CPQ: variants seen among roughly 807,000 people sequenced by gnomAD.
CPQ encodes carboxypeptidase Q, also known as Ser-Met dipeptidase.
A neutral mutation model predicts 45.7 loss-of-function variants in CPQ; 37 were observed. The ratio of observed to expected loss-of-function variants is 0.81; its 90% CI spans 0.62 to 1.07. CPQ has a LOEUF of 1.07. Among genes scored for constraint, CPQ ranks in the 50% least tolerant of loss-of-function variants. CPQ has a pLI of 0.00. For synonymous variants in CPQ, 186 were observed against 205.8 expected, an observed-to-expected ratio of 0.90 and a Z score of 0.82; for missense variants, 537 against 572.9, an observed-to-expected ratio of 0.94 and a Z score of 0.64.
At chr8:97,123,266 TAAAA>T (rs1175857289) in intron 7 of CPQ, among the ~76,000 whole-genome samples, 52 of 141,728 alleles carry the variant, frequency 3.7e-4, no homozygotes, top group African/African-American at 1.3e-3. Flanking sequence ...TAAAATAAAA[TAAAA>T]TAGTGAGTAA....
chr8:96,847,646 T>A (rs901312412), intron 3 of CPQ, among the ~76,000 whole-genome samples: 71 of 152,118 alleles, frequency 4.7e-4, no homozygotes, highest in Non-Finnish European at 5.9e-5. Context: ...TCCTCTGAAC[T>A]TTTTATTAAC....
intron 7 of CPQ, among the ~76,000 whole-genome samples, chr8:97,113,770 A>G (rs1322575465): frequency 2.0e-5 from 3 of 152,236 alleles, no homozygotes; most frequent in Non-Finnish European, 4.4e-5. Context: ...AATAAAACGT[A>G]TCTGGTGGAT....
Position 96,835,013 on chromosome 8 carries a change from A to T in CPQ, c.474A>T (p.Glu158Asp). The T allele has an allele frequency of 6.2e-7, 1 of 1,613,658 alleles. No homozygotes were observed. The highest frequency in any genetic ancestry group is 1.1e-5 in the South Asian group (1 of 91,018). ...TTCTGGTGGTGACCTCTTTCGATGA[A>T]CTGCAGAGAAGGGCCTCAGAAGCAA... ...AEVLVVTSFD[E>D]LQRRASEARG... Residue 158 changes from glutamate (E) to aspartate (D), a missense_variant, in exon 3 of 8, where the codon GAA (glutamate) becomes GAT (aspartate). By Grantham distance (45) the Glu-to-Asp change is conservative (BLOSUM62 2). Transcript: ENST00000220763.
At chr8:96,924,641 A>G (rs1812849719) in intron 4 of CPQ, among the ~76,000 whole-genome samples, 1 of 152,182 alleles carries the variant, frequency 6.6e-6, no homozygotes, top group South Asian at 2.1e-4. Context: ...TCGAAAGCAG[A>G]CACTATACCT....
intron 1 of CPQ, among the ~76,000 whole-genome samples, chr8:96,693,049 G>A (rs1054224612): frequency 6.6e-6 from 1 of 152,062 alleles, no homozygotes; most frequent in African/African-American, 2.4e-5. Flanking sequence ...TTGACACTCT[G>A]AAGAATGCAT....
At chr8:97,129,708 T>C (rs1036925647) in intron 7 of CPQ, among the ~76,000 whole-genome samples, 1 of 152,166 alleles carries the variant, frequency 6.6e-6, no homozygotes, top group Non-Finnish European at 1.5e-5. Context: ...AATGAGGCTT[T>C]TTTCTTGTTA....
In CPQ at chr8:96,905,195, A is replaced by G. The variant is rs1304154200; in HGVS notation, c.849+25190A>G. 3.9e-5 allele frequency among the ~76,000 whole-genome samples: 6 copies of G among 152,070 alleles called. No individual in the cohort carries two copies. In the East Asian group the frequency reaches 5.8e-4, roughly 15 times the overall value. On this transcript the variant is annotated intron_variant, in intron 4 of 7. Transcript: ENST00000220763. ...GAGAGAGAGTGAGGGGGGAAGTGCC[A>G]CACTTTAAAACCATCAGATCTTGTG...
At chr8:96,946,124 G>A (rs1404487615) in intron 4 of CPQ, among the ~76,000 whole-genome samples, 1 of 152,208 alleles carries the variant, frequency 6.6e-6, no homozygotes, top group Admixed American at 6.5e-5. Flanking sequence ...TGGTTATCCA[G>A]CTCCTCTTGC....
chr8:96,937,130 G>C (rs757905527), intron 4 of CPQ, among the ~76,000 whole-genome samples: 1 of 152,096 alleles, frequency 6.6e-6, no homozygotes, highest in African/African-American at 2.4e-5. Flanking sequence ...AGTTTTTTGA[G>C]AGGTTACACA....
chr8:96,934,840 A>T (rs758502300), intron 4 of CPQ, among the ~76,000 whole-genome samples: 2 of 152,178 alleles, frequency 1.3e-5, no homozygotes, highest in African/African-American at 2.4e-5. Context: ...ATGAAGGGCC[A>T]TACCCAAAGA....
At chr8:97,130,616 CCTTTAA>C (rs1431561825) in intron 7 of CPQ, among the ~76,000 whole-genome samples, 1 of 152,042 alleles carries the variant, frequency 6.6e-6, no homozygotes, top group Non-Finnish European at 1.5e-5. Context: ...AATTTAGCTA[CCTTTAA>C]ATGCTAAATT....
chr8:96,886,717 A>G (rs1469482549), intron 4 of CPQ, among the ~76,000 whole-genome samples: 1 of 152,184 alleles, frequency 6.6e-6, no homozygotes, highest in Non-Finnish European at 1.5e-5. Flanking sequence ...CCTCTAAGAG[A>G]TTCCATTATG....
In CPQ at chr8:96,731,217, A is replaced by ATACC. The variant is rs113229979; in HGVS notation, c.-34-53645_-34-53644insCCTA. On this transcript the variant is annotated intron_variant, in intron 1 of 7. Transcript: ENST00000220763. Reference sequence around the variant, plus strand: ...ATTAACTGTATGACTTTGGACAACTATAAACTCTCTGAACCTCAGTTCTCT... The same window carrying ATACC: ...ATTAACTGTATGACTTTGGACAACTATACCTAAACTCTCTGAACCTCAGTTCTCT... 5.9e-3 allele frequency among the ~76,000 whole-genome samples: 904 copies of ATACC among 152,258 alleles called. 15 individuals carry two copies. Among genetic ancestry groups the ATACC allele is most frequent in the African/African-American group, 0.016 (652 of 41,538 alleles).
intron 6 of CPQ, among the ~76,000 whole-genome samples, chr8:97,043,480 A>C (rs1459638830): frequency 1.3e-5 from 2 of 152,086 alleles, no homozygotes; most frequent in Admixed American, 1.3e-4. Flanking sequence ...AATTTAGTCC[A>C]TTTACATTTA....
At chr8:96,769,513 C>T (rs1810512331) in intron 1 of CPQ, among the ~76,000 whole-genome samples, 1 of 152,194 alleles carries the variant, frequency 6.6e-6, no homozygotes, top group East Asian at 1.9e-4. Flanking sequence ...CCAGCATCCT[C>T]AGCTAACAAA....
At chr8:96,873,538 AAG>A (rs756430394) in intron 3 of CPQ, among the ~76,000 whole-genome samples, 47 of 151,886 alleles carry the variant, frequency 3.1e-4, no homozygotes, top group Middle Eastern at 3.4e-3. Flanking sequence ...AAAATTTTCC[AAG>A]AGTTATTTTA....
chr8:96,882,057 C>A (rs1246079389), intron 4 of CPQ, among the ~76,000 whole-genome samples: 3 of 152,272 alleles, frequency 2.0e-5, no homozygotes, highest in Non-Finnish European at 4.4e-5. Flanking sequence ...AGAAACAAGT[C>A]TTATGCACAT....
At chr8:96,710,884 G>A (rs1449862984) in intron 1 of CPQ, among the ~76,000 whole-genome samples, 1 of 152,036 alleles carries the variant, frequency 6.6e-6, no homozygotes, top group African/African-American at 2.4e-5. Flanking sequence ...TGTAGATTAA[G>A]TCCGGTGTTT....
intron 7 of CPQ, among the ~76,000 whole-genome samples, chr8:97,071,536 TG>T (rs1270820408): frequency 1.3e-5 from 2 of 152,126 alleles, no homozygotes; most frequent in Non-Finnish European, 2.9e-5. Context: ...TCCAAATCCC[TG>T]CTATTTCTTA....
Sources: gnomAD v4.1 joint callset for allele counts (sites outside exome capture counted in the v4.1 genomes callset) on GRCh38, gnomAD v4.1.1 for gene constraint, MANE v1.5 for transcripts, NCBI Gene and HGNC (gene_info 2026-07-23, HGNC 2026-07-21) for gene names.